Variants in PHTF1 observed in about 807,000 individuals in gnomAD.
The protein encoded by PHTF1 is protein PHTF1.
PHTF1 carries 88 observed loss-of-function variants against 102.4 expected under a neutral mutation model. The ratio of observed to expected loss-of-function variants is 0.86; its 90% CI spans 0.72 to 1.03. PHTF1 has a LOEUF of 1.03. Among genes scored for constraint, PHTF1 ranks in the 50% least tolerant of loss-of-function variants. The pLI is 0.00. For synonymous variants in PHTF1, 289 were observed against 305.2 expected (o/e 0.95, Z 0.55); for missense variants, 814 against 909.5 (o/e 0.89, Z 1.35).
At chr1:113,702,168 C>T (rs1257363509) in intron 15 of PHTF1, among the ~76,000 whole-genome samples, 1 of 151,972 alleles carries the variant, frequency 6.6e-6, no homozygotes, top group Non-Finnish European at 1.5e-5. Flanking sequence ...TTCTAAGGGC[C>T]TAGCATTATC....
In PHTF1 at chr1:113,713,440, TATTTTTTAA is replaced by T; in HGVS notation, c.624-11_624-3del. ...GATATTAATTTTACTCTTTTAATCC[TATTTTTTAA>T]AAAAGGAAAAGAAGATTAATTTTTT... is the stretch of plus-strand genomic sequence containing the variant. On this transcript the variant is annotated splice_polypyrimidine_tract_variant and splice_region_variant and intron_variant, in intron 7 of 18. Coordinates refer to ENST00000369604, the MANE Select transcript of PHTF1 (RefSeq NM_001323043.2). 6.7e-7 allele frequency: 1 copy of T among 1,488,010 alleles called. No individual in the cohort carries two copies. The highest frequency in any genetic ancestry group is 2.0e-5 in the Admixed American group (1 of 49,008). The allele number at this position is 1,488,010 out of a possible 1,614,324, so 92.2% of individuals were successfully genotyped here.
chr1:113,754,161 G>A (rs956469786), intron 3 of PHTF1, among the ~76,000 whole-genome samples: 1 of 151,980 alleles, frequency 6.6e-6, no homozygotes, highest in Admixed American at 6.6e-5. Flanking sequence ...CTATAATCTC[G>A]GCACTTTGAG....
chr1:113,731,242 G>A (rs1005997410), intron 5 of PHTF1, among the ~76,000 whole-genome samples: 1 of 152,084 alleles, frequency 6.6e-6, no homozygotes, highest in Non-Finnish European at 1.5e-5. Context: ...AAAAATCCAG[G>A]GCTGGGTGTG....
chr1:113,739,757 A>C (rs1656063521), intron 3 of PHTF1, among the ~76,000 whole-genome samples: 1 of 152,178 alleles, frequency 6.6e-6, no homozygotes, highest in South Asian at 2.1e-4. Context: ...CCCCACCTCT[A>C]ATAACTACTA....
chr1:113,734,980 C>A (rs1045204367), intron 5 of PHTF1, among the ~76,000 whole-genome samples: 5 of 152,176 alleles, frequency 3.3e-5, no homozygotes, highest in African/African-American at 1.2e-4. Flanking sequence ...GTTGATAAAA[C>A]ACCCAGTCTA....
chr1:113,747,564 C>A (rs1657432299), intron 3 of PHTF1, among the ~76,000 whole-genome samples: 1 of 152,170 alleles, frequency 6.6e-6, no homozygotes, highest in Admixed American at 6.5e-5. Context: ...GTCCTGTTTT[C>A]TGACACTATG....
At chr1:113,738,598 A>C (rs1655878339) in intron 4 of PHTF1, 132 bp downstream of exon 4, 2 of 637,936 alleles carry the variant, frequency 3.1e-6, no homozygotes, top group Non-Finnish European at 5.5e-6. Context: ...AAAAGTGCTA[A>C]AGCCTGAATG....
At chr1:113,702,333 G>A (rs1035846353) in intron 15 of PHTF1, among the ~76,000 whole-genome samples, 1 of 151,894 alleles carries the variant, frequency 6.6e-6, no homozygotes, top group African/African-American at 2.4e-5. Context: ...ATGACAAGAG[G>A]AATGAAAAAG....
At chr1:113,755,853 G>A (rs919367117) in intron 3 of PHTF1, among the ~76,000 whole-genome samples, 1 of 151,800 alleles carries the variant, frequency 6.6e-6, no homozygotes, top group Non-Finnish European at 1.5e-5. Flanking sequence ...GAGGTCAGGA[G>A]ATCGAGACCA....
Position 113,718,050 on chromosome 1 carries a change from C to T in PHTF1, c.624-4612G>A, listed in dbSNP as rs994739161. 3.3e-5 allele frequency among the ~76,000 whole-genome samples: 5 copies of T among 152,280 alleles called. No individual in the cohort carries two copies. In the Middle Eastern group the frequency reaches 0.014, roughly 414 times the overall value. ...CCAGCATCCAAAATCTCATCTGAAACAAGGCAAGTCCCTTCCACCTATGAG... is the reference window on the plus strand; with the variant it reads ...CCAGCATCCAAAATCTCATCTGAAATAAGGCAAGTCCCTTCCACCTATGAG... On this transcript the variant is annotated intron_variant, in intron 7 of 18. Coordinates refer to ENST00000369604, the MANE Select transcript of PHTF1 (RefSeq NM_001323043.2).
chr1:113,719,012 TTC>T (rs1491074642), intron 7 of PHTF1, among the ~76,000 whole-genome samples: 1 of 152,116 alleles, frequency 6.6e-6, no homozygotes, highest in Non-Finnish European at 1.5e-5. Flanking sequence ...CTTTTTTTTT[TTC>T]TTTTGAGACA....
At chr1:113,756,370 A>G (rs1658881069) in intron 3 of PHTF1, among the ~76,000 whole-genome samples, 1 of 152,154 alleles carries the variant, frequency 6.6e-6, no homozygotes, top group Admixed American at 6.5e-5. Flanking sequence ...GTAGCTTTCT[A>G]TTGATTGGCC....
At chr1:113,699,115 A>G (rs1649160726) in intron 17 of PHTF1, 1 of 163,060 alleles carries the variant, frequency 6.1e-6, no homozygotes, top group Non-Finnish European at 1.3e-5. Flanking sequence ...AACCACCATC[A>G]GCAGCAGGTT....
intron 5 of PHTF1, among the ~76,000 whole-genome samples, chr1:113,726,912 G>A (rs1355172100): frequency 6.6e-6 from 1 of 152,114 alleles, no homozygotes; most frequent in Non-Finnish European, 1.5e-5. Flanking sequence ...ATTTTCCAAG[G>A]CTACACAGAA....
Position 113,742,484 on chromosome 1 carries a change from C to T in PHTF1, c.103-3685G>A, listed in dbSNP as rs183713558. 3.9e-4 allele frequency among the ~76,000 whole-genome samples: 60 copies of T among 152,096 alleles called. 1 individual carries two copies. In the East Asian group the frequency reaches 9.7e-3, roughly 25 times the overall value. On this transcript the variant is annotated intron_variant, in intron 3 of 18. Transcript: ENST00000369604. The stretch of plus-strand genomic sequence containing the variant: ...TACTAAAAATACAAAATTAGCCAGG[C>T]GTGGTGGTGGGCACCTGTAATCCCA...
chr1:113,731,150 A>G (rs1654571903), intron 5 of PHTF1, among the ~76,000 whole-genome samples: 1 of 152,200 alleles, frequency 6.6e-6, no homozygotes, highest in South Asian at 2.1e-4. Flanking sequence ...GAAATGGTTA[A>G]GATGGTGAAT....
At chr1:113,698,168 C>G in intron 18 of PHTF1, 94 bp downstream of exon 18, 1 of 842,220 alleles carries the variant, frequency 1.2e-6, no homozygotes, top group Non-Finnish European at 1.9e-6. Context: ...CACACACACA[C>G]ACACACACAC....
chr1:113,733,566 GA>G (rs1405142776), intron 5 of PHTF1, among the ~76,000 whole-genome samples: 1 of 152,106 alleles, frequency 6.6e-6, no homozygotes, highest in Non-Finnish European at 1.5e-5. Context: ...ATTAGGTCAT[GA>G]GGGCAGAGCT....
At chr1:113,717,606 G>A (rs183971385) in intron 7 of PHTF1, among the ~76,000 whole-genome samples, 222 of 152,194 alleles carry the variant, frequency 1.5e-3, no homozygotes, top group African/African-American at 5.2e-3. Flanking sequence ...AAACATACCC[G>A]AGATTGGGAA....
Sources: gnomAD v4.1 joint callset for allele counts (sites outside exome capture counted in the v4.1 genomes callset) on GRCh38, gnomAD v4.1.1 for gene constraint, MANE v1.5 for transcripts, NCBI Gene and HGNC (gene_info 2026-07-23, HGNC 2026-07-21) for gene names.